CCDC69: variants seen among roughly 807,000 people sequenced by gnomAD.
The protein encoded by CCDC69 is coiled-coil domain containing 69.
A neutral mutation model predicts 40.3 loss-of-function variants in CCDC69; 38 were observed. That is an observed-to-expected ratio of 0.94 (90% CI 0.73 to 1.24). The LOEUF (loss-of-function observed/expected upper bound fraction) is 1.24. CCDC69 is among the 50% of genes most tolerant of loss of function. The probability of loss-of-function intolerance (pLI) is 0.00; values close to 1 mark genes in which losing one functional copy is unlikely to be tolerated. For missense variants in CCDC69, 389 were observed against 357.9 expected (o/e 1.09, Z -0.70); for synonymous variants, 141 against 138.9 (o/e 1.02, Z -0.11).
At chr5:151,201,434 T>C (rs899500740) in intron 3 of CCDC69, 148 bp downstream of exon 3, 6 of 558,928 alleles carry the variant, frequency 1.1e-5, no homozygotes, top group Admixed American at 3.4e-5. Flanking sequence ...TAAAAATATG[T>C]GTTCAACAGA....
Position 151,183,610 on chromosome 5 carries a change from G to A in CCDC69, c.718C>T (p.Leu240=). Residue 240 remains leucine, a synonymous_variant, in exon 9 of 9, where the codon CTG becomes TTG. Transcript: ENST00000355417. ...CGCGTGAGAAGCAGGTCTTCTGACA[G>A]CTGCCTGTGGATGCACACAGAGCCC... ...SRNQVVLSRQ[L]SEDLLLTREA... 3 of 1,607,514 alleles carry A rather than the reference G, an allele frequency of 1.9e-6. No homozygotes were observed. Among genetic ancestry groups the A allele is most frequent in the Non-Finnish European group, 2.5e-6 (3 of 1,176,796 alleles).
At chr5:151,221,827 C>G (rs1028924759) in intron 1 of CCDC69, among the ~76,000 whole-genome samples, 2 of 152,260 alleles carry the variant, frequency 1.3e-5, no homozygotes, top group Admixed American at 1.3e-4. Context: ...TGGAGTCCCC[C>G]TCTCTCCCAG....
intron 4 of CCDC69, among the ~76,000 whole-genome samples, chr5:151,197,268 C>T (rs1752712825): frequency 6.6e-6 from 1 of 152,214 alleles, no homozygotes; most frequent in African/African-American, 2.4e-5. Flanking sequence ...TGGCTCATGC[C>T]TGTAATCCCA....
chr5:151,187,583 C>T (rs1582039042), intron 4 of CCDC69, 124 bp from the exon 5 acceptor site: 7 of 732,618 alleles, frequency 9.6e-6, no homozygotes, highest in Admixed American at 2.4e-5. Flanking sequence ...AGTCTAGGAA[C>T]GGTCTTATTC....
intron 3 of CCDC69, among the ~76,000 whole-genome samples, chr5:151,199,635 C>T (rs181900945): frequency 1.3e-5 from 2 of 152,224 alleles, no homozygotes; most frequent in Admixed American, 1.3e-4. Context: ...TGGGGCATAT[C>T]CAGAGGCAAG....
intron 4 of CCDC69, among the ~76,000 whole-genome samples, chr5:151,191,366 A>G (rs1752608934): frequency 6.6e-6 from 1 of 152,210 alleles, no homozygotes; most frequent in Non-Finnish European, 1.5e-5. Flanking sequence ...AACATTAACC[A>G]AACTTTATCT....
At chr5:151,207,784 C>T (rs1053998246) in intron 1 of CCDC69, among the ~76,000 whole-genome samples, 5 of 151,760 alleles carry the variant, frequency 3.3e-5, no homozygotes, top group Admixed American at 2.6e-4. Flanking sequence ...TGAAGTCTGG[C>T]GGTGGTCACC....
At chr5:151,219,411 G>A (rs983696544) in intron 1 of CCDC69, among the ~76,000 whole-genome samples, 3 of 151,988 alleles carry the variant, frequency 2.0e-5, no homozygotes, top group African/African-American at 7.3e-5. Context: ...GCCCCAGGTA[G>A]GAGGAAAACA....
At chr5:151,194,259 G>T (rs1465340851) in intron 4 of CCDC69, among the ~76,000 whole-genome samples, 1 of 152,194 alleles carries the variant, frequency 6.6e-6, no homozygotes, top group East Asian at 1.9e-4. Flanking sequence ...ATGAATGTTA[G>T]AACAGCTCTA....
At chr5:151,191,745 A>C (rs760434145) in intron 4 of CCDC69, among the ~76,000 whole-genome samples, 4 of 152,186 alleles carry the variant, frequency 2.6e-5, no homozygotes, top group Non-Finnish European at 4.4e-5. Flanking sequence ...AAATGTTTAT[A>C]TTAGAAAAGG....
At chr5:151,214,174 G>A (rs1752998492) in intron 1 of CCDC69, among the ~76,000 whole-genome samples, 1 of 152,196 alleles carries the variant, frequency 6.6e-6, no homozygotes, top group Non-Finnish European at 1.5e-5. Context: ...GCCTGTAGGG[G>A]AGAGGTGATT....
At chr5:151,184,681 C>T in intron 7 of CCDC69, 1 of 435,048 alleles carries the variant, frequency 2.3e-6, no homozygotes, top group African/African-American at 2.0e-5. Flanking sequence ...CTCATTTCAC[C>T]ATGAGTTCAT....
intron 1 of CCDC69, chr5:151,212,020 G>GC (rs903887700): frequency 6.6e-6 from 1 of 150,826 alleles, no homozygotes; most frequent in Non-Finnish European, 1.5e-5. Flanking sequence ...GTGGTGGTGG[G>GC]GGGGGGAGTT....
At chr5:151,218,940 T>C (rs1346017837) in intron 1 of CCDC69, among the ~76,000 whole-genome samples, 1 of 152,130 alleles carries the variant, frequency 6.6e-6, no homozygotes, top group Non-Finnish European at 1.5e-5. Context: ...GCAGAGAGTA[T>C]TGGGAATTAT....
At chr5:151,206,300 C>A (rs1752852355) in intron 1 of CCDC69, among the ~76,000 whole-genome samples, 3 of 152,168 alleles carry the variant, frequency 2.0e-5, no homozygotes, top group African/African-American at 7.2e-5. Flanking sequence ...ATCCAGGAAC[C>A]TCCATGTGTT....
At chr5:151,184,637 G>A (rs1004794438) in intron 7 of CCDC69, 196 bp from the exon 8 acceptor site, 3 of 502,458 alleles carry the variant, frequency 6.0e-6, no homozygotes, top group Non-Finnish European at 7.1e-6. Flanking sequence ...TTTGCCACAG[G>A]AGAATGGTAA....
At chr5:151,205,564 C>A in intron 1 of CCDC69, 89 bp from the exon 2 acceptor site, 1 of 1,076,846 alleles carries the variant, frequency 9.3e-7, no homozygotes, top group Non-Finnish European at 1.4e-6. Context: ...CTTCCAAAGG[C>A]AAGGCAGGAC....
At chr5:151,201,540 C>A in intron 3 of CCDC69, 42 bp downstream of exon 3, 1 of 1,374,520 alleles carries the variant, frequency 7.3e-7, no homozygotes, top group South Asian at 1.2e-5. Context: ...CCAAAGTTAG[C>A]TGAGCAGGAG....
At chr5:151,204,864 T>C (rs966211151) in intron 2 of CCDC69, among the ~76,000 whole-genome samples, 2 of 152,192 alleles carry the variant, frequency 1.3e-5, no homozygotes, top group African/African-American at 4.8e-5. Flanking sequence ...TATATTTTTC[T>C]TTTTCAACTT....
Sources: allele counts gnomAD v4.1 joint callset (sites outside exome capture counted in the v4.1 genomes callset), GRCh38; gene constraint gnomAD v4.1.1; transcripts MANE v1.5; gene names NCBI Gene and HGNC (gene_info 2026-07-23, HGNC 2026-07-21).